APP: variants seen among roughly 807,000 people sequenced by gnomAD.
APP encodes amyloid-beta precursor protein.
A neutral mutation model predicts 101.4 loss-of-function variants in APP; 31 were observed. The observed-to-expected ratio is 0.31, with a 90% CI of 0.23 to 0.41. The LOEUF (loss-of-function observed/expected upper bound fraction) is 0.41, where lower values mean the gene tolerates loss of function less well. APP is among the 10% of genes least tolerant of loss of function. APP has a pLI of 1.00. For synonymous variants in APP, 366 were observed against 364.4 expected, an observed-to-expected ratio of 1.00 and a Z score of -0.05; for missense variants, 839 against 1,003.7, an observed-to-expected ratio of 0.84 and a Z score of 2.22.
intron 3 of APP, among the ~76,000 whole-genome samples, chr21:26,054,240 A>G (rs1255066234): frequency 6.6e-6 from 1 of 152,222 alleles, no homozygotes; most frequent in Non-Finnish European, 1.5e-5. Flanking sequence ...TTCGAGATGA[A>G]TCTGAATGGT....
intron 13 of APP, among the ~76,000 whole-genome samples, chr21:25,940,909 T>G (rs547868634): frequency 8.5e-4 from 130 of 152,336 alleles, no homozygotes; most frequent in African/African-American, 3.0e-3. Context: ...TCATGGAATG[T>G]GCTTTTCCAA....
rs2062523858 is a variant in APP at position 26,119,777 on chromosome 21, G to A, written c.58-7631C>T. The stretch of plus-strand genomic sequence containing the variant: ...GGTACTTTGCTAAGATCTCATTCTA[G>A]AATTAGTGCATTTAAGTCCATGTTG... On this transcript the variant is annotated intron_variant, in intron 1 of 17. Coordinates refer to ENST00000346798, the MANE Select transcript of APP (RefSeq NM_000484.4). Among the ~76,000 whole-genome samples, 2 of 152,112 alleles carry A rather than the reference G, an allele frequency of 1.3e-5. 1 individual carries two copies. Among genetic ancestry groups the A allele is most frequent in the South Asian group, 4.1e-4 (2 of 4,830 alleles).
Position 26,002,209 on chromosome 21 carries a change from G to A in APP, c.866-2027C>T, listed in dbSNP as rs145942332. On this transcript the variant is annotated intron_variant, in intron 6 of 17. Coordinates refer to ENST00000346798, the MANE Select transcript of APP (RefSeq NM_000484.4). The stretch of plus-strand genomic sequence containing the variant: ...ATCATCTTCATGTCCGTTGCATGGC[G>A]CATTTCTCCTGCGGAGTGTTTGACA... Among the ~76,000 whole-genome samples, 209 of 152,296 alleles carry A rather than the reference G, an allele frequency of 1.4e-3. 1 individual carries two copies. The highest frequency in any genetic ancestry group is 5.0e-3 in the African/African-American group (206 of 41,554).
chr21:26,092,563 TA>T (rs1410577457), intron 2 of APP, among the ~76,000 whole-genome samples: 4 of 152,210 alleles, frequency 2.6e-5, no homozygotes, highest in Non-Finnish European at 5.9e-5. Flanking sequence ...AGAAGATTTT[TA>T]GGGCAGTGAA....
At position 25,950,930 on chromosome 21, in the gene APP, G is replaced by A. The variant is rs145645460; in HGVS notation, c.1687+3660C>T. On this transcript the variant is annotated intron_variant, in intron 13 of 17. Transcript: ENST00000346798. ...CAACCAAGAGAACTCAGAATAGAGT[G>A]TGTAAAACAAGTAAATTTCCAGAAG... 2.7e-3 allele frequency among the ~76,000 whole-genome samples: 408 copies of A among 152,322 alleles called. 2 individuals carry two copies. The highest frequency in any genetic ancestry group is 9.3e-3 in the African/African-American group (385 of 41,574).
chr21:25,896,416 A>ACT (rs932331344), intron 16 of APP, among the ~76,000 whole-genome samples: 4 of 141,442 alleles, frequency 2.8e-5, no homozygotes, highest in Non-Finnish European at 6.5e-5. Flanking sequence ...AAAAAGTAAC[A>ACT]CTCACACACA....
chr21:25,983,873 A>AC (rs1393943374), intron 8 of APP, among the ~76,000 whole-genome samples: 1 of 152,182 alleles, frequency 6.6e-6, no homozygotes, highest in African/African-American at 2.4e-5. Flanking sequence ...GGAAGGAAGG[A>AC]AAGAGTCATG....
chr21:26,111,388 T>C (rs1568988218), intron 2 of APP, among the ~76,000 whole-genome samples: 1 of 152,174 alleles, frequency 6.6e-6, no homozygotes, highest in Non-Finnish European at 1.5e-5. Flanking sequence ...ATGCTAGCAC[T>C]TTTAACCAAA....
intron 1 of APP, among the ~76,000 whole-genome samples, chr21:26,122,386 CA>C (rs895930572): frequency 1.1e-4 from 17 of 152,134 alleles, no homozygotes; most frequent in African/African-American, 4.1e-4. Context: ...AGACCCTTAC[CA>C]AAATGCTAAT....
chr21:26,094,009 C>G (rs6516725), intron 2 of APP, among the ~76,000 whole-genome samples: 51,312 of 151,482 alleles, frequency 0.34, 10,733 homozygotes, highest in African/African-American at 0.57. Flanking sequence ...CCAGCTACTC[C>G]GGAGGCTGAG....
chr21:25,989,917 G>C (rs2042791919), intron 8 of APP, among the ~76,000 whole-genome samples: 1 of 128,066 alleles, frequency 7.8e-6, no homozygotes, highest in Non-Finnish European at 1.6e-5. Context: ...AAAAAAAAGT[G>C]TCTCTAAAAA....
intron 1 of APP, among the ~76,000 whole-genome samples, chr21:26,122,641 T>C (rs1454425607): frequency 2.6e-5 from 4 of 152,150 alleles, no homozygotes; most frequent in African/African-American, 9.7e-5. Flanking sequence ...GCCCATGAGC[T>C]TGTGATTTCA....
At chr21:26,054,644 T>TA (rs2045969744) in intron 3 of APP, among the ~76,000 whole-genome samples, 2 of 138,726 alleles carry the variant, frequency 1.4e-5, no homozygotes, top group African/African-American at 5.6e-5. Flanking sequence ...TTTTTTTTTT[T>TA]TAAGATAGAC....
At chr21:25,883,107 A>G (rs1463069353) in intron 17 of APP, among the ~76,000 whole-genome samples, 1 of 152,166 alleles carries the variant, frequency 6.6e-6, no homozygotes, top group Non-Finnish European at 1.5e-5. Flanking sequence ...TCAGACTAAA[A>G]GATCTGTCAA....
Position 25,886,291 on chromosome 21 carries a change from G to A in APP, c.2212-4520C>T, listed in dbSNP as rs553133075. ...AGATGCTTGTTTTCCTAATTTTGAT[G>A]CCATCTCTCTATAGTTATATATAAC... On this transcript the variant is annotated intron_variant, in intron 17 of 17. Transcript: ENST00000346798. 4.3e-4 allele frequency among the ~76,000 whole-genome samples: 66 copies of A among 152,118 alleles called. 2 individuals carry two copies. In the South Asian group the frequency reaches 0.014, roughly 31 times the overall value.
At chr21:25,990,853 C>A (rs2042832474) in intron 8 of APP, among the ~76,000 whole-genome samples, 2 of 152,138 alleles carry the variant, frequency 1.3e-5, no homozygotes, top group Non-Finnish European at 2.9e-5. Context: ...AAATACCTGG[C>A]CTCGCACATC....
chr21:26,137,529 C>T (rs73896829), intron 1 of APP, among the ~76,000 whole-genome samples: 18 of 152,024 alleles, frequency 1.2e-4, no homozygotes, highest in African/African-American at 3.1e-4. Flanking sequence ...ATCAACGAGA[C>T]GGAGGTTTGC....
At chr21:26,145,774 T>A (rs2063142410) in intron 1 of APP, among the ~76,000 whole-genome samples, 2 of 152,236 alleles carry the variant, frequency 1.3e-5, no homozygotes, top group South Asian at 4.1e-4. Flanking sequence ...TTCTGTTTTT[T>A]ATATAAATTA....
chr21:25,882,263 TTAGTC>T (rs1370068827), intron 17 of APP, among the ~76,000 whole-genome samples: 1 of 151,470 alleles, frequency 6.6e-6, no homozygotes, highest in Non-Finnish European at 1.5e-5. Flanking sequence ...ACTGCTGAAT[TTAGTC>T]TAGCCCATTT....
Sources: allele counts gnomAD v4.1 joint callset (sites outside exome capture counted in the v4.1 genomes callset), GRCh38; gene constraint gnomAD v4.1.1; transcripts MANE v1.5; gene names NCBI Gene and HGNC (gene_info 2026-07-23, HGNC 2026-07-21).